The following SMYD3 variants were observed in gnomAD, a reference collection of about 807,000 sequenced individuals.
The protein encoded by SMYD3 is histone-lysine N-methyltransferase SMYD3.
Under a neutral mutation model 57.7 loss-of-function variants are expected in SMYD3, and 36 were observed. The ratio of observed to expected loss-of-function variants is 0.62; its 90% CI spans 0.48 to 0.82. The LOEUF is 0.82. Ranked by LOEUF, SMYD3 falls within the 40% of genes least tolerant of loss-of-function variation. SMYD3 has a pLI of 0.00. For synonymous variants in SMYD3, 211 were observed against 195.0 expected, an observed-to-expected ratio of 1.08 and a Z score of -0.68; for missense variants, 515 against 538.8, an observed-to-expected ratio of 0.96 and a Z score of 0.44.
At chr1:245,776,633 G>T (rs977966854) in intron 10 of SMYD3, among the ~76,000 whole-genome samples, 1 of 152,200 alleles carries the variant, frequency 6.6e-6, no homozygotes, top group African/African-American at 2.4e-5. Flanking sequence ...AGAGCCCACA[G>T]ACCTTGAAGA....
At chr1:245,939,794 G>A (rs1330092345) in intron 5 of SMYD3, among the ~76,000 whole-genome samples, 1 of 152,130 alleles carries the variant, frequency 6.6e-6, no homozygotes, top group African/African-American at 2.4e-5. Flanking sequence ...TCTGCCAGGT[G>A]GAACAGTCCC....
At chr1:246,274,644 G>A (rs1172635999) in intron 5 of SMYD3, among the ~76,000 whole-genome samples, 1 of 152,134 alleles carries the variant, frequency 6.6e-6, no homozygotes, top group African/African-American at 2.4e-5. Flanking sequence ...AAATTTTACT[G>A]ACTAGCCCTC....
At chr1:246,128,368 C>A (rs930728292) in intron 5 of SMYD3, among the ~76,000 whole-genome samples, 1 of 152,174 alleles carries the variant, frequency 6.6e-6, no homozygotes, top group Admixed American at 6.5e-5. Flanking sequence ...AGGAACTGTT[C>A]ACTATACAGT....
At chr1:245,802,295 A>C (rs1233988303) in intron 10 of SMYD3, among the ~76,000 whole-genome samples, 8 of 152,164 alleles carry the variant, frequency 5.3e-5, no homozygotes, top group Non-Finnish European at 8.8e-5. Flanking sequence ...GCAGGAGACA[A>C]CTGCTGTGAA....
intron 1 of SMYD3, among the ~76,000 whole-genome samples, chr1:246,481,593 C>CATATATATATATATT (rs2068101358): frequency 3.6e-5 from 1 of 27,978 alleles, no homozygotes; most frequent in African/African-American, 1.1e-4. Flanking sequence ...TCTCAGGCTC[C>CATATATATATATATT]ATATATATAT....
chr1:245,891,855 C>T (rs1185573595), intron 8 of SMYD3, among the ~76,000 whole-genome samples: 1 of 152,074 alleles, frequency 6.6e-6, no homozygotes, highest in Non-Finnish European at 1.5e-5. Context: ...CTAGCCTGGG[C>T]AATACAGTGA....
chr1:245,979,523 G>A lies in SMYD3; in HGVS notation c.532-49586C>T, dbSNP rs539719188. 1.1e-4 allele frequency among the ~76,000 whole-genome samples: 16 copies of A among 152,256 alleles called. No individual in the cohort carries two copies. The South Asian group carries it at 3.3e-3, about 32-fold the overall frequency. On this transcript the variant is annotated intron_variant, in intron 5 of 11. Transcript: ENST00000490107. ...AGGAGAGTTCCACATGAAGACGGGG[G>A]CAGAGACTGGGGTGATGCAGGTACA...
At chr1:245,778,731 A>G (rs540042866) in intron 10 of SMYD3, among the ~76,000 whole-genome samples, 1 of 152,360 alleles carries the variant, frequency 6.6e-6, no homozygotes, top group East Asian at 1.9e-4. Flanking sequence ...AAATTTTAGA[A>G]GACGTAGGGG....
At chr1:245,814,333 G>A (rs959109143) in intron 10 of SMYD3, 3 of 977,530 alleles carry the variant, frequency 3.1e-6, no homozygotes, top group African/African-American at 1.8e-5. Context: ...AGAAAATTAA[G>A]GTAGATACCT....
chr1:246,445,125 C>T (rs1397279852), intron 1 of SMYD3, among the ~76,000 whole-genome samples: 1 of 152,146 alleles, frequency 6.6e-6, no homozygotes, highest in Non-Finnish European at 1.5e-5. Flanking sequence ...TAACACAAGG[C>T]ACTTAGCACA....
chr1:245,976,284 CCAGGGAAAGCCA>C (rs1187702164), intron 5 of SMYD3, among the ~76,000 whole-genome samples: 9 of 27,664 alleles, frequency 3.3e-4, no homozygotes, highest in African/African-American at 9.6e-4. Context: ...CGTCTCTAGC[CCAGGGAAAGCCA>C]TCGTCTCTAG....
chr1:246,042,325 G>C (rs2059892910), intron 5 of SMYD3, among the ~76,000 whole-genome samples: 1 of 152,068 alleles, frequency 6.6e-6, no homozygotes, highest in Non-Finnish European at 1.5e-5. Context: ...AAATTAATAT[G>C]ACAGGAAAAA....
intron 5 of SMYD3, among the ~76,000 whole-genome samples, chr1:246,125,084 A>C (rs1572067825): frequency 1.8e-5 from 2 of 109,216 alleles, no homozygotes; most frequent in African/African-American, 5.3e-5. Flanking sequence ...AAAAAAAAAA[A>C]AAAACACACA....
At chr1:245,998,349 G>C (rs1327254825) in intron 5 of SMYD3, among the ~76,000 whole-genome samples, 1 of 152,142 alleles carries the variant, frequency 6.6e-6, no homozygotes, top group Non-Finnish European at 1.5e-5. Context: ...CATGATTCTT[G>C]CTGAATAAAT....
intron 10 of SMYD3, among the ~76,000 whole-genome samples, chr1:245,835,624 G>C (rs546501806): frequency 8.3e-4 from 127 of 152,284 alleles, no homozygotes; most frequent in Non-Finnish European, 1.7e-3. Flanking sequence ...TCTCATGGTT[G>C]ATACCAGATG....
intron 1 of SMYD3, among the ~76,000 whole-genome samples, chr1:246,426,627 G>A (rs960694721): frequency 6.6e-6 from 1 of 152,084 alleles, no homozygotes; most frequent in Non-Finnish European, 1.5e-5. Flanking sequence ...CATATGAGCT[G>A]CAGATAGAAA....
chr1:245,798,463 TAC>T (rs1011531144), intron 10 of SMYD3, among the ~76,000 whole-genome samples: 34 of 12,300 alleles, frequency 2.8e-3, no homozygotes, highest in Non-Finnish European at 5.0e-3. Flanking sequence ...TGCACACACA[TAC>T]ACACACATAC....
chr1:246,306,149 G>A (rs968147769), intron 5 of SMYD3: 1 of 152,168 alleles, frequency 6.6e-6, no homozygotes, highest in African/African-American at 2.4e-5. Flanking sequence ...GACCAGCCAG[G>A]ACAACATGAC....
intron 10 of SMYD3, among the ~76,000 whole-genome samples, chr1:245,851,199 T>C (rs191894613): frequency 2.5e-4 from 38 of 152,298 alleles, no homozygotes; most frequent in Admixed American, 5.2e-4. Context: ...AAGGCCTGGT[T>C]TTCTGGAGAT....
Sources: gnomAD v4.1 joint callset for allele counts (sites outside exome capture counted in the v4.1 genomes callset) on GRCh38, gnomAD v4.1.1 for gene constraint, MANE v1.5 for transcripts, NCBI Gene and HGNC (gene_info 2026-07-23, HGNC 2026-07-21) for gene names.